Variants in RANBP2 observed in about 807,000 individuals in gnomAD.
RANBP2 encodes RAN binding protein 2, also known as E3 SUMO-protein ligase RanBP2.
RANBP2 carries 57 observed loss-of-function variants against 303.6 expected under a neutral mutation model. That is an observed-to-expected ratio of 0.19 (90% CI 0.15 to 0.23). RANBP2 has a LOEUF of 0.23. Ranked by LOEUF, RANBP2 falls within the 10% of genes least tolerant of loss-of-function variation. The pLI, the probability that RANBP2 is intolerant of heterozygous loss-of-function variation, is 1.00. For missense variants in RANBP2, 3,138 were observed against 3,780.8 expected (o/e 0.83, Z 4.46); for synonymous variants, 1,167 against 1,301.5 (o/e 0.90, Z 2.23).
At chr2:109,557,631 A>G in the RANBP2 span, among the ~76,000 whole-genome samples, 29 of 152,320 alleles carry the variant, frequency 1.9e-4, no homozygotes, top group East Asian at 3.7e-3. Flanking sequence ...ACTTCTGACA[A>G]TGTAAACTTA....
chr2:109,192,610 GA>G, the RANBP2 span, among the ~76,000 whole-genome samples: 7 of 152,340 alleles, frequency 4.6e-5, no homozygotes, highest in African/African-American at 1.2e-4. Context: ...ATGAGATAAA[GA>G]GAGAAGCTGG....
the RANBP2 span, among the ~76,000 whole-genome samples, chr2:109,096,121 C>T: frequency 6.6e-6 from 1 of 152,122 alleles, no homozygotes; most frequent in Admixed American, 6.5e-5. Flanking sequence ...TAGTGTTTTA[C>T]ACCTCTGATA....
chr2:109,447,051 C>T, the RANBP2 span, among the ~76,000 whole-genome samples: 5 of 149,068 alleles, frequency 3.4e-5, no homozygotes, highest in East Asian at 4.0e-4. Flanking sequence ...CCTGGATCTG[C>T]GTGATTGCCT....
the RANBP2 span, among the ~76,000 whole-genome samples, chr2:109,495,735 G>A: frequency 2.0e-5 from 3 of 151,938 alleles, no homozygotes; most frequent in Admixed American, 2.0e-4. Context: ...CAAGTGATCC[G>A]CCCACCTCGG....
At chr2:108,954,584 A>C in the RANBP2 span, among the ~76,000 whole-genome samples, 6 of 152,030 alleles carry the variant, frequency 3.9e-5, no homozygotes, top group African/African-American at 7.2e-5. Context: ...TGTGCCTGGT[A>C]TGTATGGTCC....
chr2:108,961,554 T>C, the RANBP2 span, among the ~76,000 whole-genome samples: 1 of 152,218 alleles, frequency 6.6e-6, no homozygotes, highest in African/African-American at 2.4e-5. Context: ...AAGGTTGAAC[T>C]GCTCTTTTGG....
chr2:108,781,444 A>G lies in RANBP2; in HGVS notation c.8760+15A>G. Reference sequence around the variant, plus strand: ...CACTACCAGAGGTAAATGTTAAGGAATTAACCTTTTACTAATAACTTATTT... The same window carrying G: ...CACTACCAGAGGTAAATGTTAAGGAGTTAACCTTTTACTAATAACTTATTT... On this transcript the variant is annotated intron_variant, in intron 26 of 28. Transcript: ENST00000283195. 2 of 1,611,696 alleles carry G rather than the reference A, an allele frequency of 1.2e-6. No individual in the cohort carries two copies. Among genetic ancestry groups the G allele is most frequent in the South Asian group, 1.1e-5 (1 of 91,008 alleles).
the RANBP2 span, among the ~76,000 whole-genome samples, chr2:109,459,976 C>T: frequency 1.3e-5 from 2 of 152,118 alleles, no homozygotes; most frequent in Non-Finnish European, 2.9e-5. Flanking sequence ...GAATATTGTC[C>T]CAGCCCTGCA....
chr2:108,774,638 A>G (rs1677746914), intron 23 of RANBP2, among the ~76,000 whole-genome samples: 1 of 151,716 alleles, frequency 6.6e-6, no homozygotes, highest in Admixed American at 6.6e-5. Flanking sequence ...GTTTTAAAAA[A>G]CACTATTGAT....
the RANBP2 span, among the ~76,000 whole-genome samples, chr2:109,386,086 A>G: frequency 1.6e-4 from 25 of 152,318 alleles, no homozygotes; most frequent in Non-Finnish European, 2.5e-4. Flanking sequence ...TCTCAAAAGA[A>G]TGTAGATTGG....
At chr2:109,486,642 C>G in the RANBP2 span, among the ~76,000 whole-genome samples, 1 of 152,136 alleles carries the variant, frequency 6.6e-6, no homozygotes, top group African/African-American at 2.4e-5. Flanking sequence ...AAACAAAACG[C>G]AGGTGGTGGG....
At chr2:109,234,941 A>G in the RANBP2 span, among the ~76,000 whole-genome samples, 1 of 152,218 alleles carries the variant, frequency 6.6e-6, no homozygotes, top group Non-Finnish European at 1.5e-5. Flanking sequence ...TTGTTGTATG[A>G]GTGTCCTAAC....
the RANBP2 span, among the ~76,000 whole-genome samples, chr2:109,332,034 G>C: frequency 6.6e-6 from 1 of 152,192 alleles, no homozygotes; most frequent in Non-Finnish European, 1.5e-5. Context: ...CCGGAAATCT[G>C]TGGCTTTCTG....
chr2:109,164,123 T>C, the RANBP2 span, among the ~76,000 whole-genome samples: 1 of 152,134 alleles, frequency 6.6e-6, no homozygotes, highest in African/African-American at 2.4e-5. Flanking sequence ...GTCTGTTAAA[T>C]CCTTAAGGAA....
the RANBP2 span, among the ~76,000 whole-genome samples, chr2:109,602,117 C>A: frequency 6.6e-6 from 1 of 152,258 alleles, no homozygotes; most frequent in Non-Finnish European, 1.5e-5. Context: ...GGCACAGTAA[C>A]CCCTATCAAT....
the RANBP2 span, among the ~76,000 whole-genome samples, chr2:108,881,128 T>C: frequency 6.6e-6 from 1 of 152,242 alleles, no homozygotes; most frequent in Non-Finnish European, 1.5e-5. Context: ...GAAGGCTGTT[T>C]CATCTACATT....
chr2:109,676,731 A>G, the RANBP2 span, among the ~76,000 whole-genome samples: 3 of 152,212 alleles, frequency 2.0e-5, no homozygotes, highest in Non-Finnish European at 4.4e-5. Flanking sequence ...GCCAGATAGC[A>G]CAGTGTGAAT....
At chr2:109,366,313 C>T in the RANBP2 span, among the ~76,000 whole-genome samples, 1 of 152,124 alleles carries the variant, frequency 6.6e-6, no homozygotes, top group East Asian at 1.9e-4. Flanking sequence ...AAGTAAATTA[C>T]AGTAAATTCA....
At chr2:109,676,055 G>A in the RANBP2 span, among the ~76,000 whole-genome samples, 4 of 152,234 alleles carry the variant, frequency 2.6e-5, no homozygotes, top group African/African-American at 7.2e-5. Flanking sequence ...CGGCATGCAA[G>A]GTGGCTCCTT....
Sources: gnomAD v4.1 joint callset for allele counts (sites outside exome capture counted in the v4.1 genomes callset) on GRCh38, gnomAD v4.1.1 for gene constraint, MANE v1.5 for transcripts, NCBI Gene and HGNC (gene_info 2026-07-23, HGNC 2026-07-21) for gene names.